Variants in NPAS3 observed in about 807,000 individuals in gnomAD.
The protein encoded by NPAS3 is neuronal PAS domain-containing protein 3.
A neutral mutation model predicts 73.1 loss-of-function variants in NPAS3; 14 were observed. The ratio of observed to expected loss-of-function variants is 0.19; its 90% CI spans 0.13 to 0.30. The LOEUF (loss-of-function observed/expected upper bound fraction) is 0.30. NPAS3 is among the 10% of genes least tolerant of loss of function. The pLI, the probability that NPAS3 is intolerant of heterozygous loss-of-function variation, is 1.00. For missense variants in NPAS3, 1,096 were observed against 1,250.0 expected, an observed-to-expected ratio of 0.88 and a Z score of 1.86; for synonymous variants, 620 against 541.5, an observed-to-expected ratio of 1.14 and a Z score of -2.01.
intron 1 of NPAS3, among the ~76,000 whole-genome samples, chr14:32,981,410 A>G (rs8003170): frequency 0.17 from 25,676 of 152,170 alleles, 2,550 homozygotes; most frequent in African/African-American, 0.28. Flanking sequence ...AGTCCAATAT[A>G]GAAATGAAAT....
intron 4 of NPAS3, among the ~76,000 whole-genome samples, chr14:33,427,158 T>C (rs1879252790): frequency 6.6e-6 from 1 of 151,946 alleles, no homozygotes; most frequent in South Asian, 2.1e-4. Flanking sequence ...ACTTGAAAAA[T>C]ATTAAGATTT....
At chr14:33,133,530 C>T (rs573160911) in intron 2 of NPAS3, among the ~76,000 whole-genome samples, 42 of 152,230 alleles carry the variant, frequency 2.8e-4, no homozygotes, top group Non-Finnish European at 8.8e-5. Flanking sequence ...TAATTGCTAT[C>T]TAATGAATGT....
intron 3 of NPAS3, among the ~76,000 whole-genome samples, chr14:33,342,381 G>A (rs1240733794): frequency 6.6e-6 from 1 of 152,216 alleles, no homozygotes; most frequent in East Asian, 1.9e-4. Context: ...GCCACAGAAT[G>A]TGTGTGGTCC....
At chr14:33,578,375 A>G (rs188949668) in intron 5 of NPAS3, 37 of 365,236 alleles carry the variant, frequency 1.0e-4, no homozygotes, top group Non-Finnish European at 1.5e-4. Flanking sequence ...TTGTATTTTT[A>G]GTAGAGACGG....
At chr14:33,070,516 A>G (rs965402253) in intron 2 of NPAS3, among the ~76,000 whole-genome samples, 1 of 152,182 alleles carries the variant, frequency 6.6e-6, no homozygotes, top group African/African-American at 2.4e-5. Context: ...TACGTCCTAG[A>G]TGGCAGTGCA....
chr14:32,998,364 G>T (rs1325037792), intron 1 of NPAS3, among the ~76,000 whole-genome samples: 1 of 152,186 alleles, frequency 6.6e-6, no homozygotes, highest in Non-Finnish European at 1.5e-5. Flanking sequence ...TGGTTACCAG[G>T]TGATGGGAGA....
chr14:33,780,760 A>C, intron 9 of NPAS3: 1 of 393,304 alleles, frequency 2.5e-6, no homozygotes, highest in South Asian at 1.9e-5. Flanking sequence ...TTCCGTACCC[A>C]GAATAATTTG....
At chr14:33,259,369 A>G (rs1312780507) in intron 3 of NPAS3, among the ~76,000 whole-genome samples, 2 of 152,174 alleles carry the variant, frequency 1.3e-5, no homozygotes, top group African/African-American at 4.8e-5. Flanking sequence ...TTATTAGATG[A>G]TTCACAAACT....
intron 4 of NPAS3, among the ~76,000 whole-genome samples, chr14:33,438,494 G>A (rs1432040425): frequency 6.6e-6 from 1 of 152,218 alleles, no homozygotes; most frequent in Non-Finnish European, 1.5e-5. Context: ...AGGCTGAATT[G>A]CAAGGCTGAA....
At chr14:33,392,130 G>A (rs2047034524) in intron 4 of NPAS3, among the ~76,000 whole-genome samples, 1 of 152,158 alleles carries the variant, frequency 6.6e-6, no homozygotes, top group South Asian at 2.1e-4. Context: ...TATCTCAGTA[G>A]TTAAAGGACA....
At chr14:33,452,122 A>G (rs746692654) in intron 4 of NPAS3, among the ~76,000 whole-genome samples, 3 of 152,132 alleles carry the variant, frequency 2.0e-5, no homozygotes, top group Non-Finnish European at 4.4e-5. Context: ...GTCAAAATCT[A>G]TATTGGTTTA....
At chr14:32,953,650 C>T (rs1015155954) in intron 1 of NPAS3, among the ~76,000 whole-genome samples, 6 of 152,002 alleles carry the variant, frequency 3.9e-5, no homozygotes, top group South Asian at 2.1e-4. Context: ...TAATGAATGC[C>T]GGGTCGGAGA....
At chr14:33,099,150 A>G (rs760059846) in intron 2 of NPAS3, among the ~76,000 whole-genome samples, 1 of 151,994 alleles carries the variant, frequency 6.6e-6, no homozygotes, top group Non-Finnish European at 1.5e-5. Flanking sequence ...TGGACAATCC[A>G]CTCATTTCTG....
intron 4 of NPAS3, among the ~76,000 whole-genome samples, chr14:33,535,846 T>C (rs1377808219): frequency 1.3e-5 from 2 of 152,332 alleles, no homozygotes; most frequent in East Asian, 3.9e-4. Flanking sequence ...TGTGCAGACA[T>C]ACAGTTTGAG....
chr14:32,953,609 C>G (rs1180377389), intron 1 of NPAS3, among the ~76,000 whole-genome samples: 2 of 152,138 alleles, frequency 1.3e-5, no homozygotes, highest in Non-Finnish European at 2.9e-5. Context: ...TTAGATTTTA[C>G]TCTGCTTGCA....
chr14:33,426,587 C>T (rs541061874), intron 4 of NPAS3, among the ~76,000 whole-genome samples: 15 of 151,912 alleles, frequency 9.9e-5, no homozygotes, highest in South Asian at 6.2e-4. Context: ...ATATCATGAG[C>T]GAGGATACTT....
At chr14:33,452,981 G>A (rs10130494) in intron 4 of NPAS3, among the ~76,000 whole-genome samples, 131,848 of 152,136 alleles carry the variant, frequency 0.87, 57,261 homozygotes, top group East Asian at 0.98. Context: ...TTAGGTATCC[G>A]AGAATGGCTT....
At chr14:33,246,582 C>CT (rs1335110572) in intron 3 of NPAS3, among the ~76,000 whole-genome samples, 3 of 149,866 alleles carry the variant, frequency 2.0e-5, no homozygotes, top group African/African-American at 7.3e-5. Context: ...TCACTTGTTC[C>CT]TTTCCTATCT....
At chr14:33,345,384 A>T (rs1340830915) in intron 3 of NPAS3, among the ~76,000 whole-genome samples, 2 of 152,244 alleles carry the variant, frequency 1.3e-5, no homozygotes, top group African/African-American at 2.4e-5. Flanking sequence ...TAAATGTAGA[A>T]TGTTCAGGTC....
Sources: gnomAD v4.1 joint callset for allele counts (sites outside exome capture counted in the v4.1 genomes callset) on GRCh38, gnomAD v4.1.1 for gene constraint, MANE v1.5 for transcripts, NCBI Gene and HGNC (gene_info 2026-07-23, HGNC 2026-07-21) for gene names.